CALN1: variants seen among roughly 807,000 people sequenced by gnomAD.
CALN1 encodes the protein calneuron 1.
CALN1 carries 17 observed loss-of-function variants against 30.6 expected under a neutral mutation model. The observed-to-expected ratio is 0.56, with a 90% CI of 0.38 to 0.83. The LOEUF (loss-of-function observed/expected upper bound fraction) is 0.83. Among genes scored for constraint, CALN1 ranks in the 40% least tolerant of loss-of-function variants. The pLI is 0.00. For missense variants in CALN1, 291 were observed against 354.9 expected (o/e 0.82, Z 1.45); for synonymous variants, 156 against 131.4 (o/e 1.19, Z -1.28).
upstream of CALN1, among the ~76,000 whole-genome samples, chr7:72,450,068 T>C (rs1244649622): frequency 6.6e-6 from 1 of 151,748 alleles, no homozygotes; most frequent in Non-Finnish European, 1.5e-5. Flanking sequence ...TAGCTGAACA[T>C]GTTTGTGCAT....
chr7:72,493,464 G>A, the CALN1 span, among the ~76,000 whole-genome samples: 1 of 151,860 alleles, frequency 6.6e-6, no homozygotes, highest in South Asian at 2.1e-4. Context: ...TCAGCCTCCC[G>A]AGTACCTAGG....
At chr7:71,982,454 C>T (rs1409296390) in intron 5 of CALN1, among the ~76,000 whole-genome samples, 2 of 152,062 alleles carry the variant, frequency 1.3e-5, no homozygotes, top group Admixed American at 6.6e-5. Flanking sequence ...ATTAGCTGGG[C>T]ATGGCAGTAG....
intron 3 of CALN1, among the ~76,000 whole-genome samples, chr7:72,223,836 G>A (rs139065143): frequency 0.015 from 2,229 of 152,226 alleles, 24 homozygotes; most frequent in African/African-American, 0.028. Flanking sequence ...GAAGGAAATC[G>A]TGTCCTCGGC....
chr7:72,385,702 C>T (rs1397330679), intron 2 of CALN1, among the ~76,000 whole-genome samples: 3 of 152,082 alleles, frequency 2.0e-5, no homozygotes, highest in African/African-American at 7.3e-5. Flanking sequence ...GTGGTTTCCC[C>T]CCTGCTGTTC....
chr7:72,000,090 T>G (rs888022062), intron 5 of CALN1, among the ~76,000 whole-genome samples: 8 of 151,678 alleles, frequency 5.3e-5, no homozygotes, highest in African/African-American at 1.9e-4. Flanking sequence ...TGTCAATCAA[T>G]AATCGAAGTT....
At chr7:71,789,930 T>C (rs1044672172) in intron 6 of CALN1, among the ~76,000 whole-genome samples, 1 of 149,470 alleles carries the variant, frequency 6.7e-6, no homozygotes, top group African/African-American at 2.4e-5. Context: ...ACCCTGTCCC[T>C]ACAAAAAATA....
chr7:71,827,558 G>C (rs545802184), intron 5 of CALN1, among the ~76,000 whole-genome samples: 2 of 152,144 alleles, frequency 1.3e-5, no homozygotes, highest in Non-Finnish European at 2.9e-5. Context: ...ATCACTGGAG[G>C]TCGGGAGTTC....
At chr7:72,274,205 A>C (rs1797192410) in intron 3 of CALN1, among the ~76,000 whole-genome samples, 1 of 152,180 alleles carries the variant, frequency 6.6e-6, no homozygotes, top group Non-Finnish European at 1.5e-5. Context: ...AATTTAGTTT[A>C]AGATTAAGAT....
At chr7:72,492,160 G>A in the CALN1 span, among the ~76,000 whole-genome samples, 1 of 152,186 alleles carries the variant, frequency 6.6e-6, no homozygotes, top group Admixed American at 6.5e-5. Flanking sequence ...AAACAGAAAT[G>A]TGCCACCTTG....
In CALN1 at chr7:72,314,522, C is replaced by T. The variant is rs530425868; in HGVS notation, c.120-35712G>A. On this transcript the variant is annotated intron_variant, in intron 2 of 6. Transcript: ENST00000395275. ...CACTGCAATCTCTGCCTCCCGAGTT[C>T]AAGTGATACTCCTACCTCAGCCTCC... 5.8e-4 allele frequency among the ~76,000 whole-genome samples: 87 copies of T among 151,266 alleles called. No homozygotes were observed. The South Asian group carries it at 0.01, about 17-fold the overall frequency.
chr7:72,085,926 A>G (rs1006823473), intron 4 of CALN1, among the ~76,000 whole-genome samples: 3 of 152,164 alleles, frequency 2.0e-5, no homozygotes, highest in African/African-American at 4.8e-5. Context: ...ACCTAACACC[A>G]CTATTAATCA....
chr7:72,261,664 G>T (rs1440101637), intron 3 of CALN1, among the ~76,000 whole-genome samples: 1 of 152,170 alleles, frequency 6.6e-6, no homozygotes, highest in African/African-American at 2.4e-5. Context: ...CTGGGCTCAA[G>T]TAATCCTCCT....
At chr7:72,298,016 T>C (rs1798985685) in intron 2 of CALN1, among the ~76,000 whole-genome samples, 1 of 152,244 alleles carries the variant, frequency 6.6e-6, no homozygotes, top group Non-Finnish European at 1.5e-5. Context: ...ACCATCTTAT[T>C]ATTTTTTTTA....
At chr7:71,974,703 T>C (rs1044195434) in intron 5 of CALN1, among the ~76,000 whole-genome samples, 42 of 152,156 alleles carry the variant, frequency 2.8e-4, no homozygotes, top group African/African-American at 9.4e-4. Context: ...TCCGCAGAGA[T>C]GTCTGTGACT....
At chr7:71,875,469 C>G (rs1562863103) in intron 5 of CALN1, among the ~76,000 whole-genome samples, 1 of 152,142 alleles carries the variant, frequency 6.6e-6, no homozygotes, top group Non-Finnish European at 1.5e-5. Context: ...TTTGATGGCA[C>G]TGTGTGTGCT....
intron 1 of CALN1, among the ~76,000 whole-genome samples, chr7:72,430,264 A>G (rs1807933249): frequency 6.8e-6 from 1 of 148,018 alleles, no homozygotes; most frequent in Non-Finnish European, 1.5e-5. Flanking sequence ...TTTATAGAAA[A>G]TATATATTTA....
At chr7:72,140,383 GATGGAAGAAGC>G (rs1809836181) in intron 3 of CALN1, among the ~76,000 whole-genome samples, 1 of 144,644 alleles carries the variant, frequency 6.9e-6, no homozygotes, top group Non-Finnish European at 1.5e-5. Flanking sequence ...AGGGAGGGAG[GATGGAAGAAGC>G]GAATGAAGGA....
chr7:72,145,794 C>G (rs1171908650), intron 3 of CALN1, among the ~76,000 whole-genome samples: 1 of 152,176 alleles, frequency 6.6e-6, no homozygotes, highest in South Asian at 2.1e-4. Flanking sequence ...GGCTTCATCC[C>G]TGGGATGCAA....
At chr7:72,298,592 G>T (rs553216492) in intron 2 of CALN1, among the ~76,000 whole-genome samples, 256 of 152,238 alleles carry the variant, frequency 1.7e-3, no homozygotes, top group Admixed American at 2.9e-3. Flanking sequence ...GTTCTGTAAA[G>T]CCTCTTGCCC....
Sources: gnomAD v4.1 joint callset for allele counts (sites outside exome capture counted in the v4.1 genomes callset) on GRCh38, gnomAD v4.1.1 for gene constraint, MANE v1.5 for transcripts, NCBI Gene and HGNC (gene_info 2026-07-23, HGNC 2026-07-21) for gene names.